Variants in PKNOX2 observed in about 807,000 individuals in gnomAD.
The protein encoded by PKNOX2 is homeobox protein PKNOX2.
A neutral mutation model predicts 53.1 loss-of-function variants in PKNOX2; 14 were observed. That is an observed-to-expected ratio of 0.26 (90% confidence interval 0.17 to 0.41). PKNOX2 has a LOEUF of 0.41. PKNOX2 is among the 10% of genes least tolerant of loss of function. The probability of loss-of-function intolerance (pLI) is 1.00; values close to 1 mark genes in which losing one functional copy is unlikely to be tolerated. For synonymous variants in PKNOX2, 257 were observed against 242.8 expected, an observed-to-expected ratio of 1.06 and a Z score of -0.54; for missense variants, 496 against 602.8, an observed-to-expected ratio of 0.82 and a Z score of 1.85.
intron 2 of PKNOX2, among the ~76,000 whole-genome samples, chr11:125,331,061 A>G (rs1010724478): frequency 1.3e-5 from 2 of 150,152 alleles, no homozygotes; most frequent in South Asian, 2.1e-4. Context: ...CTGAAGTCCA[A>G]TTAGCAACTC....
intron 5 of PKNOX2, among the ~76,000 whole-genome samples, chr11:125,377,743 T>C (rs1952926705): frequency 6.6e-6 from 1 of 152,200 alleles, no homozygotes; most frequent in South Asian, 2.1e-4. Flanking sequence ...CAATAGCTGA[T>C]GAGCAAAAAC....
chr11:125,373,140 G>C (rs563634887), intron 5 of PKNOX2, among the ~76,000 whole-genome samples: 4 of 152,364 alleles, frequency 2.6e-5, no homozygotes, highest in African/African-American at 9.6e-5. Flanking sequence ...ATAGAATCAT[G>C]CTCTAGAAAT....
At chr11:125,378,972 T>C (rs1953026276) in intron 5 of PKNOX2, among the ~76,000 whole-genome samples, 1 of 148,792 alleles carries the variant, frequency 6.7e-6, no homozygotes, top group Non-Finnish European at 1.5e-5. Flanking sequence ...GAAGAAATGT[T>C]TGTTTTTTTT....
chr11:125,304,155 G>A (rs530628623), intron 2 of PKNOX2, among the ~76,000 whole-genome samples: 5 of 152,290 alleles, frequency 3.3e-5, no homozygotes, highest in African/African-American at 1.2e-4. Context: ...GGTGGGGAGG[G>A]GGCTGCTTGG....
Position 125,431,230 on chromosome 11 carries a change from G to C in PKNOX2, c.1257G>C (p.Gln419His), listed in dbSNP as rs141180751. The C allele has an allele frequency of 3.1e-6, 5 of 1,613,816 alleles. No individual in the cohort carries two copies. Among genetic ancestry groups the C allele is most frequent in the Non-Finnish European group, 8.5e-7 (1 of 1,179,892 alleles). ...SSDSATMAMQ[Q>H]AMMAAHDDSL... The stretch of plus-strand genomic sequence containing the variant: ...ACAGTGCCACCATGGCCATGCAGCA[G>C]GCTATGATGGCTGCACACGATGACT... Residue 419 changes from glutamine (Q) to histidine (H), a missense_variant, in exon 13 of 13, where the codon CAG becomes CAC. Gln to His is a conservative substitution (Grantham distance 24, BLOSUM62 0). Around this residue, in one of 5 missense-constraint regions of PKNOX2, gnomAD observed 139 missense variants for 161.3 expected, o/e 0.86. Coordinates refer to ENST00000298282, the MANE Select transcript of PKNOX2 (RefSeq NM_001382323.2).
intron 10 of PKNOX2, 27 bp from the exon 11 acceptor site, chr11:125,428,985 C>G: frequency 6.3e-7 from 1 of 1,596,968 alleles, no homozygotes; most frequent in Non-Finnish European, 8.6e-7. Flanking sequence ...ATGCCCAGCC[C>G]TCACTAGTCT....
intron 2 of PKNOX2, among the ~76,000 whole-genome samples, chr11:125,257,832 A>G (rs1169220768): frequency 6.6e-6 from 1 of 152,174 alleles, no homozygotes; most frequent in Non-Finnish European, 1.5e-5. Context: ...ACTTTGCATG[A>G]GAGCTCGGAG....
chr11:125,348,838 G>C (rs1470486978), intron 3 of PKNOX2, among the ~76,000 whole-genome samples: 1 of 152,192 alleles, frequency 6.6e-6, no homozygotes, highest in Non-Finnish European at 1.5e-5. Context: ...GTTACCAAAA[G>C]ACCCAAGCCC....
Position 125,341,726 on chromosome 11 carries a change from C to T in PKNOX2, c.-22-9558C>T, listed in dbSNP as rs550317725. ...AAGGGAACGGCATGGCTGTGAAATACAGAACACCTTGGTAGCGGACAAGAA... is the reference window on the plus strand; with the variant it reads ...AAGGGAACGGCATGGCTGTGAAATATAGAACACCTTGGTAGCGGACAAGAA... On this transcript the variant is annotated intron_variant, in intron 3 of 12. Coordinates refer to ENST00000298282, the MANE Select transcript of PKNOX2 (RefSeq NM_001382323.2). Among the ~76,000 whole-genome samples, 11 of 152,376 alleles carry T rather than the reference C, an allele frequency of 7.2e-5. No individual in the cohort carries two copies. The South Asian group carries it at 2.3e-3, about 32-fold the overall frequency.
intron 3 of PKNOX2, among the ~76,000 whole-genome samples, chr11:125,345,474 C>T (rs970982929): frequency 6.6e-6 from 1 of 152,158 alleles, no homozygotes; most frequent in African/African-American, 2.4e-5. Context: ...CTGGCAGACA[C>T]CCCGCCTCCA....
At chr11:125,186,217 A>G (rs1009748339) in intron 1 of PKNOX2, among the ~76,000 whole-genome samples, 3 of 152,202 alleles carry the variant, frequency 2.0e-5, no homozygotes, top group African/African-American at 4.8e-5. Flanking sequence ...GTCGAATTCT[A>G]TGCCCATTTT....
At chr11:125,276,308 G>A (rs1303611729) in intron 2 of PKNOX2, among the ~76,000 whole-genome samples, 1 of 152,206 alleles carries the variant, frequency 6.6e-6, no homozygotes, top group Non-Finnish European at 1.5e-5. Context: ...TAGATTTACT[G>A]TGAAGAGGAA....
intron 2 of PKNOX2, among the ~76,000 whole-genome samples, chr11:125,304,513 G>T (rs868823808): frequency 1.3e-5 from 2 of 152,240 alleles, no homozygotes; most frequent in East Asian, 3.9e-4. Context: ...CTCCCAGCCC[G>T]CTGCCTGGTC....
At chr11:125,284,975 A>G (rs1946804442) in intron 2 of PKNOX2, among the ~76,000 whole-genome samples, 2 of 151,920 alleles carry the variant, frequency 1.3e-5, no homozygotes, top group African/African-American at 2.4e-5. Flanking sequence ...ATTGAGTGGG[A>G]GGCTTTGTTC....
intron 1 of PKNOX2, among the ~76,000 whole-genome samples, chr11:125,215,207 AG>A (rs1219235508): frequency 2.0e-5 from 3 of 152,066 alleles, no homozygotes; most frequent in Non-Finnish European, 4.4e-5. Flanking sequence ...CCCACCAGGA[AG>A]ACGGGGCTTA....
At chr11:125,253,430 TGAG>T (rs1434136458) in intron 2 of PKNOX2, among the ~76,000 whole-genome samples, 1 of 151,870 alleles carries the variant, frequency 6.6e-6, no homozygotes, top group Non-Finnish European at 1.5e-5. Context: ...TGGGTGTGAG[TGAG>T]GAGGAGAGGA....
intron 3 of PKNOX2, among the ~76,000 whole-genome samples, chr11:125,347,920 G>A (rs1004456463): frequency 1.3e-5 from 2 of 152,196 alleles, no homozygotes; most frequent in African/African-American, 2.4e-5. Context: ...AGTCTTGACT[G>A]TGCCCCCTTG....
At chr11:125,346,714 C>T (rs574823302) in intron 3 of PKNOX2, among the ~76,000 whole-genome samples, 22 of 151,942 alleles carry the variant, frequency 1.4e-4, no homozygotes, top group Non-Finnish European at 2.4e-4. Context: ...GCATTCCTAG[C>T]GGCCCTCATG....
At chr11:125,219,785 G>A (rs1258797954) in intron 1 of PKNOX2, among the ~76,000 whole-genome samples, 1 of 152,156 alleles carries the variant, frequency 6.6e-6, no homozygotes, top group Middle Eastern at 3.2e-3. Flanking sequence ...AAGGCCCTGG[G>A]GAAACAGACT....
Sources: gnomAD v4.1 joint callset for allele counts (sites outside exome capture counted in the v4.1 genomes callset) on GRCh38, gnomAD v4.1.1 for gene constraint, gnomAD v4.1.1 regional missense constraint, MANE v1.5 for transcripts, NCBI Gene and HGNC (gene_info 2026-07-23, HGNC 2026-07-21) for gene names.